C5AR1: variants seen among roughly 807,000 people sequenced by gnomAD.
C5AR1 encodes C5a anaphylatoxin chemotactic receptor 1.
A neutral mutation model predicts 2.4 loss-of-function variants in C5AR1; 4 were observed. That is an observed-to-expected ratio of 1.65 (90% CI 0.81 to 3.77). The LOEUF (loss-of-function observed/expected upper bound fraction) is 3.77. C5AR1 is among the 30% of genes most tolerant of loss of function. The pLI is 0.01. For synonymous variants in C5AR1, 209 were observed against 210.4 expected (o/e 0.99, Z 0.06); for missense variants, 418 against 462.5 (o/e 0.90, Z 0.88).
chr19:47,318,601 G>A (rs1457917134), intron 1 of C5AR1, among the ~76,000 whole-genome samples: 2 of 151,836 alleles, frequency 1.3e-5, no homozygotes, highest in African/African-American at 2.4e-5. Context: ...GCCTGAAATG[G>A]GCATATTAAC....
chr19:47,311,721 C>A (rs757321520), intron 1 of C5AR1, among the ~76,000 whole-genome samples: 3 of 151,970 alleles, frequency 2.0e-5, no homozygotes, highest in Non-Finnish European at 2.9e-5. Flanking sequence ...TGCGCCACCA[C>A]GCCTGGCTAA....
Position 47,320,579 on chromosome 19 carries a change from C to T in C5AR1, c.802C>T (p.Leu268=). The T allele has an allele frequency of 6.2e-7, 1 of 1,613,978 alleles. No homozygotes were observed. The change falls in exon 2 of 2, where the codon CTG becomes TTG. Residue 268 remains leucine (L), a synonymous_variant. Transcript: ENST00000355085. This position sits in a 1 kb window ranked among gnomAD's most constrained non-coding sequence, Gnocchi z 4.9. ...YQVTGIMMSF[L]EPSSPTFLLL... ...GGTGACGGGGATAATGATGTCCTTC[C>T]TGGAGCCATCGTCACCCACCTTCCT...
chr19:47,313,201 C>A (rs1372745665), intron 1 of C5AR1, among the ~76,000 whole-genome samples: 3 of 152,010 alleles, frequency 2.0e-5, no homozygotes, highest in Non-Finnish European at 4.4e-5. Context: ...TGGTCTCGAA[C>A]TCCTGACCTC....
intron 1 of C5AR1, among the ~76,000 whole-genome samples, chr19:47,317,100 G>A (rs1252175123): frequency 6.6e-6 from 1 of 151,370 alleles, no homozygotes; most frequent in Non-Finnish European, 1.5e-5. Context: ...GGCTGAGGCA[G>A]GAGGATTGCT....
At chr19:47,308,212 C>CAAAA (rs1051683773), upstream of C5AR1, among the ~76,000 whole-genome samples, 34 of 54,046 alleles carry the variant, frequency 6.3e-4, no homozygotes, top group Non-Finnish European at 1.1e-3. Flanking sequence ...GACTCCATCT[C>CAAAA]AAAAAAAAAA....
intron 1 of C5AR1, among the ~76,000 whole-genome samples, chr19:47,315,993 A>C (rs529071327): frequency 7.4e-6 from 1 of 135,718 alleles, no homozygotes; most frequent in African/African-American, 2.8e-5. Flanking sequence ...CCATCCATCC[A>C]TCCATCCGTT....
chr19:47,318,942 A>G (rs569811484), intron 1 of C5AR1, among the ~76,000 whole-genome samples: 8 of 143,240 alleles, frequency 5.6e-5, no homozygotes, highest in African/African-American at 1.3e-4. Context: ...CTGGAGTGCA[A>G]TGGGGCTGTT....
At chr19:47,315,097 G>A (rs2059282131) in intron 1 of C5AR1, among the ~76,000 whole-genome samples, 1 of 152,058 alleles carries the variant, frequency 6.6e-6, no homozygotes, top group African/African-American at 2.4e-5. Flanking sequence ...TACCCAGGCT[G>A]ATCTTGAACT....
At chr19:47,309,350 G>A (rs920784152), upstream of C5AR1, among the ~76,000 whole-genome samples, 2 of 152,074 alleles carry the variant, frequency 1.3e-5, no homozygotes, top group African/African-American at 2.4e-5. Flanking sequence ...TGAGGTGGGT[G>A]ATTGCCTGAG....
chr19:47,318,626 G>T (rs1042849481), intron 1 of C5AR1, among the ~76,000 whole-genome samples: 1 of 151,982 alleles, frequency 6.6e-6, no homozygotes, highest in South Asian at 2.1e-4. Context: ...CCTCCTTGTA[G>T]GTTGTGGTCA....
chr19:47,310,480 T>G (rs1157057431), intron 1 of C5AR1, among the ~76,000 whole-genome samples: 2 of 152,146 alleles, frequency 1.3e-5, no homozygotes, highest in African/African-American at 2.4e-5. Flanking sequence ...ACTCAGATGC[T>G]CTTGCAGATA....
intron 1 of C5AR1, among the ~76,000 whole-genome samples, chr19:47,310,513 TG>T (rs1352369265): frequency 6.6e-6 from 1 of 152,168 alleles, no homozygotes; most frequent in Admixed American, 6.6e-5. Context: ...TTTTTCGACT[TG>T]GGGTCTTGCA....
chr19:47,312,021 G>A (rs1014672033), intron 1 of C5AR1, among the ~76,000 whole-genome samples: 1 of 152,198 alleles, frequency 6.6e-6, no homozygotes, highest in Admixed American at 6.5e-5. Context: ...CCCCAAAACC[G>A]AGCTCAGCTT....
chr19:47,317,846 T>G (rs956407336), intron 1 of C5AR1, among the ~76,000 whole-genome samples: 1 of 151,884 alleles, frequency 6.6e-6, no homozygotes, highest in African/African-American at 2.4e-5. Flanking sequence ...CAGGGTGTGG[T>G]GGCAGGTGCC....
At position 47,320,069 on chromosome 19, in the gene C5AR1, C is replaced by A. The variant is rs1276876411; in HGVS notation, c.292C>A (p.Gln98Lys). ...ALPILFTSIV[Q>K]HHHWPFGGAA... ...GCCCATCTTGTTCACGTCCATTGTA[C>A]AGCATCACCACTGGCCCTTTGGCGG... Residue 98 changes from glutamine (Q) to lysine (K), a missense_variant, in exon 2 of 2, where the codon CAG (glutamine) becomes AAG (lysine). Transcript: ENST00000355085. The surrounding 1 kb of genome is among the most constrained non-coding windows in gnomAD (Gnocchi z 4.9). 4.3e-6 allele frequency: 7 copies of A among 1,614,076 alleles called. No homozygotes were observed. The highest frequency in any genetic ancestry group is 5.9e-6 in the Non-Finnish European group (7 of 1,180,050).
chr19:47,316,644 TTCAC>T (rs1399372326), intron 1 of C5AR1: 1 of 152,136 alleles, frequency 6.6e-6, no homozygotes, highest in Non-Finnish European at 1.5e-5. Flanking sequence ...ACTGGCTTCT[TTCAC>T]TTAGCATCAT....
rs750871770 is a variant in C5AR1 at position 47,319,802 on chromosome 19, C to A, written c.25C>A (p.Pro9Thr). 3.1e-6 allele frequency: 5 copies of A among 1,611,440 alleles called. No homozygotes were observed. In the African/African-American group the frequency reaches 6.7e-5, roughly 22 times the overall value. Residue 9 changes from proline to threonine, a missense_variant, in exon 2 of 2, where the codon CCT (proline) becomes ACT (threonine). By Grantham distance (38) the Pro-to-Thr change is conservative (BLOSUM62 -1). Coordinates refer to ENST00000355085, the MANE Select transcript of C5AR1 (RefSeq NM_001736.4). ...TTAGGACTCCTTCAATTATACCACC[C>A]CTGATTATGGGCACTATGATGACAA... MDSFNYTTPDYGHYDDKDT... is the reference protein window; with the variant it reads MDSFNYTTTDYGHYDDKDT...
In C5AR1 at chr19:47,320,842, A is replaced by G. The variant is rs1159099449; in HGVS notation, c.*12A>G. The G allele has an allele frequency of 3.8e-6, 6 of 1,591,386 alleles. No individual in the cohort carries two copies. Among genetic ancestry groups the G allele is most frequent in the South Asian group, 1.1e-5 (1 of 90,002 alleles). The stretch of plus-strand genomic sequence containing the variant: ...CCCAGGCAGTGTAGGCGACAGCCTC[A>G]TGGGCCACTGTGGCCCGATGTCCCC... On this transcript the variant is annotated 3_prime_UTR_variant, in exon 2 of 2. Coordinates refer to ENST00000355085, the MANE Select transcript of C5AR1 (RefSeq NM_001736.4). This position sits in a 1 kb window ranked among gnomAD's most constrained non-coding sequence, Gnocchi z 4.9.
chr19:47,320,846 G>A lies in C5AR1; in HGVS notation c.*16G>A. The A allele has an allele frequency of 1.3e-6, 2 of 1,583,654 alleles. No homozygotes were observed. Among genetic ancestry groups the A allele is most frequent in the Non-Finnish European group, 1.7e-6 (2 of 1,161,334 alleles). On this transcript the variant is annotated 3_prime_UTR_variant, in exon 2 of 2. Coordinates refer to ENST00000355085, the MANE Select transcript of C5AR1 (RefSeq NM_001736.4). The surrounding 1 kb of genome is among the most constrained non-coding windows in gnomAD (Gnocchi z 4.9). ...GGCAGTGTAGGCGACAGCCTCATGG[G>A]CCACTGTGGCCCGATGTCCCCTTCC... is the stretch of plus-strand genomic sequence containing the variant.
Sources: gnomAD v4.1 joint callset for allele counts (sites outside exome capture counted in the v4.1 genomes callset) on GRCh38, gnomAD v4.1.1 for gene constraint, Gnocchi (gnomAD v3.1) non-coding constraint, MANE v1.5 for transcripts, NCBI Gene and HGNC (gene_info 2026-07-23, HGNC 2026-07-21) for gene names.